Variants in STAG3 observed in about 807,000 individuals in gnomAD.
The protein encoded by STAG3 is cohesin subunit SA-3.
In STAG3, 101 loss-of-function variants were observed where a neutral mutation model predicts 160.7. That is an observed-to-expected ratio of 0.63 (90% CI 0.54 to 0.74). STAG3 has a LOEUF of 0.74. Among genes scored for constraint, STAG3 ranks in the 30% least tolerant of loss-of-function variants. STAG3 has a pLI of 0.00. For missense variants in STAG3, 1,188 were observed against 1,517.4 expected (o/e 0.78, Z 3.61); for synonymous variants, 519 against 585.0 (o/e 0.89, Z 1.63).
At chr7:100,193,916 T>C (rs10953295) in intron 8 of STAG3, among the ~76,000 whole-genome samples, 75,168 of 150,346 alleles carry the variant, frequency 0.5, 19,024 homozygotes, top group East Asian at 0.68. Flanking sequence ...CCTGTCTTGG[T>C]TTTCAACTAA....
At position 100,195,296 on chromosome 7, in the gene STAG3, C is replaced by T. The variant is rs575796882; in HGVS notation, c.868-13C>T. 45 of 1,613,658 alleles carry T rather than the reference C, an allele frequency of 2.8e-5. No homozygotes were observed. In the South Asian group the frequency reaches 4.5e-4, roughly 16 times the overall value. ...GTACAAGAAAGATTAACCCGTTTCT[C>T]CCTGTCCTCCAGCTCCAAGAGCATC... On this transcript the variant is annotated splice_polypyrimidine_tract_variant and intron_variant, in intron 8 of 33. Coordinates refer to ENST00000615138, the MANE Select transcript of STAG3 (RefSeq NM_001282717.2).
rs574713805 is a variant in STAG3 at position 100,186,098 on chromosome 7, A to T, written c.337-102A>T. ...CAGTACATTGTGAAAGATGTTTTAAATGTTTTACAGAAGTTTAGATGGTTC... is the reference window on the plus strand; with the variant it reads ...CAGTACATTGTGAAAGATGTTTTAATTGTTTTACAGAAGTTTAGATGGTTC... On this transcript the variant is annotated intron_variant, in intron 4 of 33. Coordinates refer to ENST00000615138, the MANE Select transcript of STAG3 (RefSeq NM_001282717.2). 1.2e-5 allele frequency: 11 copies of T among 931,162 alleles called. No homozygotes were observed. The African/African-American group carries it at 1.8e-4, about 15-fold the overall frequency. 57.7% of individuals were successfully genotyped at this position (931,162 alleles called of 1,614,324 possible).
At chr7:100,197,640 T>G in intron 10 of STAG3, 138 bp from the exon 11 acceptor site, 1 of 758,844 alleles carries the variant, frequency 1.3e-6, no homozygotes, top group African/African-American at 1.7e-5. Context: ...TCATTGTTTC[T>G]GACATCTTAA....
chr7:100,198,795 CCTT>C (rs755239442), intron 13 of STAG3, 45 bp from the exon 14 acceptor site: 55 of 1,541,014 alleles, frequency 3.6e-5, no homozygotes, highest in Non-Finnish European at 4.6e-5. Flanking sequence ...CGTTACACCT[CCTT>C]GTTTCCTGTT....
At chr7:100,182,345 C>G (rs141509086) in intron 3 of STAG3, among the ~76,000 whole-genome samples, 153 bp downstream of exon 3, 67 of 148,208 alleles carry the variant, frequency 4.5e-4, no homozygotes, top group African/African-American at 1.6e-3. Context: ...GGCGACAGAG[C>G]GAGACTCCGT....
intron 4 of STAG3, among the ~76,000 whole-genome samples, chr7:100,184,150 C>T (rs1281656497): frequency 6.6e-6 from 1 of 151,998 alleles, no homozygotes; most frequent in Non-Finnish European, 1.5e-5. Flanking sequence ...TCTGTAATCC[C>T]AGCCACTTTG....
rs986841947 is a variant in STAG3 at position 100,207,333 on chromosome 7, C to T, written c.3238+1949C>T. Among the ~76,000 whole-genome samples, 7 of 152,188 alleles carry T rather than the reference C, an allele frequency of 4.6e-5. No individual in the cohort carries two copies. Among genetic ancestry groups the T allele is most frequent in the Non-Finnish European group, 7.3e-5 (5 of 68,038 alleles). ...GTACCTACACCAGTTTACAATCCTA[C>T]CAGCAATGTATGGGGACTCTGGTTT... On this transcript the variant is annotated intron_variant, in intron 29 of 33. Transcript: ENST00000615138. The surrounding 1 kb of genome is among the most constrained non-coding windows in gnomAD (Gnocchi z 4.0).
chr7:100,218,635 TTAC>T (rs1478059767), downstream of STAG3: 3 of 395,324 alleles, frequency 7.6e-6, no homozygotes, highest in Non-Finnish European at 1.5e-5. Flanking sequence ...GAGTCTTCCG[TTAC>T]TAGGTAAGTC....
intron 8 of STAG3, among the ~76,000 whole-genome samples, chr7:100,190,210 T>TG (rs755313852): frequency 2.6e-4 from 40 of 152,332 alleles, no homozygotes; most frequent in Non-Finnish European, 5.3e-4. Context: ...AGATGACCAC[T>TG]GGGGGGCATA....
rs574465226 is a variant in STAG3 at position 100,181,045 on chromosome 7, C to T, written c.116+373C>T. ...CCTCTCTTAAACACATTTCTATGTT[C>T]AGCATGTACCAACCCTGGTGGGGGC... On this transcript the variant is annotated intron_variant, in intron 2 of 33. Transcript: ENST00000615138. 76 of 169,312 alleles carry T rather than the reference C, an allele frequency of 4.5e-4. 1 individual carries two copies. Among genetic ancestry groups the T allele is most frequent in the Non-Finnish European group, 7.0e-4 (55 of 78,366 alleles). 10.5% of individuals were successfully genotyped at this position (169,312 alleles called of 1,614,324 possible).
intron 32 of STAG3, chr7:100,212,812 G>A (rs956983848): frequency 6.6e-6 from 1 of 152,124 alleles, no homozygotes; most frequent in Non-Finnish European, 1.5e-5. Flanking sequence ...AGCAACTCGG[G>A]AGGTGGAGAC....
downstream of STAG3, chr7:100,214,969 C>T (rs1285277672): frequency 1.3e-5 from 2 of 152,114 alleles, no homozygotes; most frequent in Non-Finnish European, 2.9e-5. Flanking sequence ...TCGTCTCTCA[C>T]CTAGACTGCC....
In STAG3 at chr7:100,205,250, T is replaced by C. The variant is rs574528191; in HGVS notation, c.3104T>C (p.Leu1035Pro). The C allele has an allele frequency of 6.2e-7, 1 of 1,614,124 alleles. No individual in the cohort carries two copies. The highest frequency in any genetic ancestry group is 1.1e-5 in the South Asian group (1 of 91,086). Residue 1035 changes from leucine (L) to proline (P), a missense_variant, in exon 29 of 34, where the codon CTG becomes CCG. By Grantham distance (98) the Leu-to-Pro change is moderately conservative. Around this residue, in one of 4 missense-constraint regions of STAG3, gnomAD observed 647 missense variants for 717.2 expected, o/e 0.90. Coordinates refer to ENST00000615138, the MANE Select transcript of STAG3 (RefSeq NM_001282717.2). ...AGACTGTCCTATCTAGAAAAGTGCC[T>C]GCAGCATGTCTCCCAGGCACCTGGC... ...QLLLSYLEKCLQHVSQAPGHP... is the reference protein window; with the variant it reads ...QLLLSYLEKCPQHVSQAPGHP...
At chr7:100,204,558 G>A in intron 26 of STAG3, 69 bp from the exon 27 acceptor site, 3 of 1,563,026 alleles carry the variant, frequency 1.9e-6, no homozygotes, top group Admixed American at 1.8e-5. Context: ...GTAGAGAAGA[G>A]AATGCTGGAC....
At chr7:100,218,426 T>C (rs1802957008), downstream of STAG3, 1 of 213,224 alleles carries the variant, frequency 4.7e-6, no homozygotes, top group Non-Finnish European at 9.5e-6. Context: ...GTCTCTTGCC[T>C]TGGCAGCTGG....
chr7:100,200,823 C>T lies in STAG3; in HGVS notation c.1915C>T (p.Pro639Ser). Residue 639 changes from proline to serine, a missense_variant, in exon 19 of 34, where the codon CCA becomes TCA. By Grantham distance (74) the Pro-to-Ser change is moderately conservative. Transcript: ENST00000615138. The stretch of plus-strand genomic sequence containing the variant: ...GGAGGTGGTGGTGAAGCATGCAGAG[C>T]CAGCGGTGCTTGAGGCTGGGGCGCA... The part of the protein sequence containing the change: ...LQEVVVKHAE[P>S]AVLEAGAHAL... 6.2e-7 allele frequency: 1 copy of T among 1,614,224 alleles called. No homozygotes were observed. The highest frequency in any genetic ancestry group is 8.5e-7 in the Non-Finnish European group (1 of 1,180,042).
intron 8 of STAG3, 44 bp downstream of exon 8, chr7:100,189,640 G>T: frequency 6.3e-7 from 1 of 1,586,464 alleles, no homozygotes; most frequent in Non-Finnish European, 8.6e-7. Flanking sequence ...TTCCCAACTT[G>T]CACCCACTTC....
intron 13 of STAG3, 57 bp from the exon 14 acceptor site, chr7:100,198,786 G>A (rs183138718): frequency 2.0e-4 from 295 of 1,506,908 alleles, no homozygotes; most frequent in Non-Finnish European, 2.6e-4. Context: ...CTCTGTGGTC[G>A]TTACACCTCC....
intron 9 of STAG3, 30 bp downstream of exon 9, chr7:100,195,412 A>G: frequency 6.2e-7 from 1 of 1,602,820 alleles, no homozygotes; most frequent in Non-Finnish European, 8.5e-7. Context: ...TCATTGAAGC[A>G]GCTGGCCTTT....
Sources: gnomAD v4.1 joint callset for allele counts (sites outside exome capture counted in the v4.1 genomes callset) on GRCh38, gnomAD v4.1.1 for gene constraint, gnomAD v4.1.1 regional missense constraint, Gnocchi (gnomAD v3.1) non-coding constraint, MANE v1.5 for transcripts, NCBI Gene and HGNC (gene_info 2026-07-23, HGNC 2026-07-21) for gene names.